Variants in GAS7 observed in about 807,000 individuals in gnomAD.
The protein encoded by GAS7 is growth arrest-specific protein 7.
A neutral mutation model predicts 71.1 loss-of-function variants in GAS7; 28 were observed. That is an observed-to-expected ratio of 0.39 (90% confidence interval 0.29 to 0.54). GAS7 has a LOEUF of 0.54. Ranked by LOEUF, GAS7 falls within the 20% of genes least tolerant of loss-of-function variation. GAS7 has a pLI of 0.62. For synonymous variants in GAS7, 258 were observed against 245.8 expected, an observed-to-expected ratio of 1.05 and a Z score of -0.46; for missense variants, 436 against 627.8, an observed-to-expected ratio of 0.69 and a Z score of 3.27.
At chr17:10,046,179 C>T (rs974388451) in intron 1 of GAS7, among the ~76,000 whole-genome samples, 4 of 151,952 alleles carry the variant, frequency 2.6e-5, no homozygotes, top group African/African-American at 7.3e-5. Flanking sequence ...CTACTGACTA[C>T]GTCCCCACAA....
chr17:9,916,870 C>G lies in GAS7; in HGVS notation c.*358G>C. On this transcript the variant is annotated 3_prime_UTR_variant, in exon 14 of 14. Transcript: ENST00000432992. The stretch of plus-strand genomic sequence containing the variant: ...AAAGCCCTGGAGACAAGGGAGCCAG[C>G]TGGAGGAAGAGCCTTGGGGCTTCCA... 1 of 448,962 alleles carries G rather than the reference C, an allele frequency of 2.2e-6. No individual in the cohort carries two copies. The highest frequency in any genetic ancestry group is 3.2e-5 in the East Asian group (1 of 31,644). 27.8% of individuals were successfully genotyped at this position (448,962 alleles called of 1,614,324 possible). A position where few individuals can be genotyped will look rare whatever the true frequency, so the allele number is the denominator to read the frequency against.
chr17:10,190,490 G>T lies in GAS7; in HGVS notation c.183+7718C>A, dbSNP rs550991772. Among the ~76,000 whole-genome samples the T allele has an allele frequency of 2.0e-5, 3 of 151,392 alleles. No homozygotes were observed. In the East Asian group the frequency reaches 5.9e-4, roughly 30 times the overall value. On this transcript the variant is annotated intron_variant, in intron 1 of 13. Transcript: ENST00000432992. ...AGCTACTCAGGAGGCTGAGGCAGGA[G>T]AATCGCTTGAACCCAGGAGGTGGAG...
At chr17:10,058,564 C>T (rs751305201) in intron 1 of GAS7, among the ~76,000 whole-genome samples, 23 of 152,186 alleles carry the variant, frequency 1.5e-4, no homozygotes, top group Non-Finnish European at 2.6e-4. Flanking sequence ...TCAGAGGAGC[C>T]GTCTGAAGAA....
At chr17:10,118,925 AT>A (rs2073884263) in intron 1 of GAS7, among the ~76,000 whole-genome samples, 1 of 152,008 alleles carries the variant, frequency 6.6e-6, no homozygotes. Flanking sequence ...CTGTAAGAGG[AT>A]TCTTACATCT....
At chr17:10,149,864 C>T (rs2074150273) in intron 1 of GAS7, among the ~76,000 whole-genome samples, 1 of 152,170 alleles carries the variant, frequency 6.6e-6, no homozygotes, top group South Asian at 2.1e-4. Context: ...TATCATGTAA[C>T]ATTATTCTGT....
Position 9,919,524 on chromosome 17 carries a change from A to T in GAS7, c.1218+102T>A. 1 of 841,616 alleles carries T rather than the reference A, an allele frequency of 1.2e-6. No homozygotes were observed. The highest frequency in any genetic ancestry group is 2.1e-6 in the Non-Finnish European group (1 of 478,030). The allele number at this position is 841,616 out of a possible 1,614,324, so 52.1% of individuals were successfully genotyped here. A position where few individuals can be genotyped will look rare whatever the true frequency, so the allele number is the denominator to read the frequency against. ...TGAAGTAGATTTGATGACCATCTCC[A>T]GGGTCACTCCACCCCATCATCCCCG... On this transcript the variant is annotated intron_variant, in intron 12 of 13. Coordinates refer to ENST00000432992, the MANE Select transcript of GAS7 (RefSeq NM_201433.2). This position sits in a 1 kb window ranked among gnomAD's most constrained non-coding sequence, Gnocchi z 5.0.
At chr17:10,129,113 G>T (rs915817531) in intron 1 of GAS7, among the ~76,000 whole-genome samples, 8 of 152,110 alleles carry the variant, frequency 5.3e-5, no homozygotes, top group African/African-American at 1.9e-4. Context: ...GGGGGAAAGG[G>T]CCATCTTTTC....
At chr17:10,059,088 A>G (rs1217015106) in intron 1 of GAS7, among the ~76,000 whole-genome samples, 1 of 152,222 alleles carries the variant, frequency 6.6e-6, no homozygotes, top group African/African-American at 2.4e-5. Context: ...CGTGGCATGC[A>G]TGAGTAAGTC....
chr17:10,013,635 G>C (rs1052506422), intron 2 of GAS7, among the ~76,000 whole-genome samples: 1 of 152,222 alleles, frequency 6.6e-6, no homozygotes. Context: ...CGGCATTACT[G>C]CATTAACCAC....
rs766816895 is a variant in GAS7, at chr17:9,926,624, C to A, written c.1014+17G>T. 10 of 1,611,504 alleles carry A rather than the reference C, an allele frequency of 6.2e-6. No homozygotes were observed. Among genetic ancestry groups the A allele is most frequent in the Non-Finnish European group, 7.6e-6 (9 of 1,179,546 alleles). On this transcript the variant is annotated intron_variant, in intron 10 of 13. Coordinates refer to ENST00000432992, the MANE Select transcript of GAS7 (RefSeq NM_201433.2). The surrounding 1 kb of genome is among the most constrained non-coding windows in gnomAD (Gnocchi z 5.0). ...CCCCCATGCACCTGCCCTGGCCCAG[C>A]GTCCTGGGCCTCTCACCTTCTCCAC...
chr17:10,119,850 G>A lies in GAS7; in HGVS notation c.183+78358C>T, dbSNP rs865884954. Among the ~76,000 whole-genome samples the A allele has an allele frequency of 1.1e-4, 17 of 152,294 alleles. 1 individual carries two copies. In the Middle Eastern group the frequency reaches 0.024, roughly 213 times the overall value. ...GCAGTGCTGATCCAAGCACCTGCTGGGCGAGTTTGGTTCCTTTTGCCTGAC... is the reference window on the plus strand; with the variant it reads ...GCAGTGCTGATCCAAGCACCTGCTGAGCGAGTTTGGTTCCTTTTGCCTGAC... On this transcript the variant is annotated intron_variant, in intron 1 of 13. Coordinates refer to ENST00000432992, the MANE Select transcript of GAS7 (RefSeq NM_201433.2).
intron 1 of GAS7, among the ~76,000 whole-genome samples, chr17:10,081,329 A>AT (rs71139014): frequency 6.6e-6 from 1 of 151,806 alleles, no homozygotes; most frequent in African/African-American, 2.4e-5. Flanking sequence ...TAATTTTTGT[A>AT]TTTTTTTGTA....
At chr17:10,005,038 C>CAT (rs201209064) in intron 2 of GAS7, among the ~76,000 whole-genome samples, 11 of 124,652 alleles carry the variant, frequency 8.8e-5, no homozygotes, top group Non-Finnish European at 8.0e-5. Context: ...TCTATATATA[C>CAT]ATACATATAT....
chr17:10,158,820 C>T (rs1314898302), intron 1 of GAS7, among the ~76,000 whole-genome samples: 3 of 151,362 alleles, frequency 2.0e-5, no homozygotes, highest in African/African-American at 4.9e-5. Context: ...CTTGGGAGGC[C>T]AAGGTGGGAG....
At chr17:10,053,041 A>G (rs2073084373) in intron 1 of GAS7, among the ~76,000 whole-genome samples, 1 of 152,186 alleles carries the variant, frequency 6.6e-6, no homozygotes, top group African/African-American at 2.4e-5. Flanking sequence ...TAGGGTTTTC[A>G]GCTCACCTAG....
At chr17:10,022,778 T>C (rs1217488037) in intron 1 of GAS7, among the ~76,000 whole-genome samples, 1 of 152,210 alleles carries the variant, frequency 6.6e-6, no homozygotes, top group Non-Finnish European at 1.5e-5. Context: ...AGCCTCACCA[T>C]CCCTCTGTCT....
At chr17:10,095,284 G>A (rs538499584) in intron 1 of GAS7, among the ~76,000 whole-genome samples, 1 of 152,300 alleles carries the variant, frequency 6.6e-6, no homozygotes, top group South Asian at 2.1e-4. Flanking sequence ...TAAATGTGTA[G>A]CATAATAAAG....
intron 1 of GAS7, among the ~76,000 whole-genome samples, chr17:10,107,342 CGAGACACAGAGCCAGCCAAT>C (rs1173047236): frequency 8.1e-6 from 1 of 124,104 alleles, no homozygotes; most frequent in Non-Finnish European, 1.7e-5. Context: ...AGGCCAAAGA[CGAGACACAGAGCCAGCCAAT>C]GAGACACAGG....
intron 1 of GAS7, among the ~76,000 whole-genome samples, chr17:10,183,951 G>A (rs1176699539): frequency 6.6e-6 from 1 of 152,096 alleles, no homozygotes; most frequent in Non-Finnish European, 1.5e-5. Flanking sequence ...GCACTCTGCT[G>A]CCCCCACCTC....
Sources: allele counts gnomAD v4.1 joint callset (sites outside exome capture counted in the v4.1 genomes callset), GRCh38; gene constraint gnomAD v4.1.1; non-coding constraint Gnocchi (gnomAD v3.1); transcripts MANE v1.5; gene names NCBI Gene and HGNC (gene_info 2026-07-23, HGNC 2026-07-21).